Variants in ATF7IP observed in about 807,000 individuals in gnomAD.
The protein encoded by ATF7IP is activating transcription factor 7 interacting protein.
Under a neutral mutation model 106.4 loss-of-function variants are expected in ATF7IP, and 23 were observed. The observed-to-expected ratio is 0.22, with a 90% CI of 0.16 to 0.31. ATF7IP has a LOEUF of 0.31. ATF7IP is among the 10% of genes least tolerant of loss of function. The pLI is 1.00. For synonymous variants in ATF7IP, 542 were observed against 539.0 expected, an observed-to-expected ratio of 1.01 and a Z score of -0.08; for missense variants, 1,334 against 1,524.3, an observed-to-expected ratio of 0.88 and a Z score of 2.08.
chr12:14,434,411 CCTT>C lies in ATF7IP; in HGVS notation c.1636_1638del (p.Ser546del). ...AGTAATACATGAAGATGATGAAAGACCTTCTGAGAAAAGTATGCATGTATAAAC... is the reference window on the plus strand; with the variant it reads ...AGTAATACATGAAGATGATGAAAGACCTGAGAAAAGTATGCATGTATAAAC... On this transcript the variant is annotated inframe_deletion, in exon 3 of 15. Transcript: ENST00000261168. 6.4e-7 allele frequency: 1 copy of C among 1,572,384 alleles called. No homozygotes were observed. The highest frequency in any genetic ancestry group is 8.7e-7 in the Non-Finnish European group (1 of 1,145,938).
At chr12:14,398,387 G>T (rs1255210031) in intron 1 of ATF7IP, among the ~76,000 whole-genome samples, 20 of 144,350 alleles carry the variant, frequency 1.4e-4, no homozygotes, top group Non-Finnish European at 2.9e-4. Context: ...ACATCTAAAA[G>T]TTTTTTTTTT....
intron 10 of ATF7IP, among the ~76,000 whole-genome samples, chr12:14,473,622 CTCT>C (rs2136780267): frequency 6.6e-6 from 1 of 151,994 alleles, no homozygotes; most frequent in Admixed American, 6.6e-5. Context: ...TTTTCTGGTC[CTCT>C]TCTTCCTATG....
chr12:14,476,530 A>G (rs992094177), intron 11 of ATF7IP: 1 of 151,638 alleles, frequency 6.6e-6, no homozygotes, highest in Non-Finnish European at 1.5e-5. Context: ...CTGTTTTTGT[A>G]TCTGTTATTT....
rs142312345 is a variant in ATF7IP at position 14,483,622 on chromosome 12, T to C, written c.3280+2437T>C. ...CCCTAGGGGTGAAGGTGAGTGGTGC[T>C]ACTTCCACTTCCACCCCCTGATTCC... On this transcript the variant is annotated intron_variant, in intron 13 of 14. Coordinates refer to ENST00000261168, the MANE Select transcript of ATF7IP (RefSeq NM_018179.5). 4.9e-4 allele frequency among the ~76,000 whole-genome samples: 75 copies of C among 152,214 alleles called. No homozygotes were observed. In the South Asian group the frequency reaches 0.011, roughly 21 times the overall value.
At chr12:14,461,269 A>AT in intron 9 of ATF7IP, 136 bp downstream of exon 9, 1 of 799,758 alleles carries the variant, frequency 1.3e-6, no homozygotes, top group East Asian at 2.8e-5. Flanking sequence ...ATTTTTAGTA[A>AT]TTTTTTAGAT....
At chr12:14,488,378 C>T (rs114093937) in intron 13 of ATF7IP, among the ~76,000 whole-genome samples, 2 of 152,122 alleles carry the variant, frequency 1.3e-5, no homozygotes, top group South Asian at 2.1e-4. Flanking sequence ...ACTTGGAGGC[C>T]GATGTTTCAG....
chr12:14,424,463 A>T lies in ATF7IP; in HGVS notation c.548A>T (p.Asp183Val). The change falls in exon 2 of 15, where the codon GAT becomes GTT. Residue 183 changes from aspartate (D) to valine (V), a missense_variant. Physicochemically the swap from Asp to Val is radical, Grantham distance 152 (BLOSUM62 -3). This residue lies in a region of ATF7IP where 438 missense variants were observed against 405.3 expected (regional missense o/e 1.08). Coordinates refer to ENST00000261168, the MANE Select transcript of ATF7IP (RefSeq NM_018179.5). ...ACCTCTGGTGATGCCCCTTCTGGTG[A>T]TGTGTCCCCTGGTGATGCCACCTCT... ...DATSGDAPSG[D>V]VSPGDATSGD... is the part of the protein sequence containing the mutation. 6.2e-7 allele frequency: 1 copy of T among 1,611,558 alleles called. No homozygotes were observed. The highest frequency in any genetic ancestry group is 8.5e-7 in the Non-Finnish European group (1 of 1,179,090).
At chr12:14,432,078 C>T (rs563097053) in intron 2 of ATF7IP, among the ~76,000 whole-genome samples, 1 of 152,066 alleles carries the variant, frequency 6.6e-6, no homozygotes, top group Non-Finnish European at 1.5e-5. Flanking sequence ...GAAGAAATCT[C>T]AAGCTGAGCT....
chr12:14,445,287 C>T (rs1055414412), intron 5 of ATF7IP, among the ~76,000 whole-genome samples: 1 of 152,128 alleles, frequency 6.6e-6, no homozygotes, highest in South Asian at 2.1e-4. Context: ...CTGCGCCTGG[C>T]CCACCTATAT....
chr12:14,459,769 A>G (rs1943570332), intron 8 of ATF7IP, among the ~76,000 whole-genome samples: 2 of 152,176 alleles, frequency 1.3e-5, no homozygotes, highest in South Asian at 4.1e-4. Context: ...TGTATTTTAA[A>G]CCTGTTGCAA....
At chr12:14,372,036 A>G (rs1350614576) in intron 1 of ATF7IP, among the ~76,000 whole-genome samples, 1 of 152,192 alleles carries the variant, frequency 6.6e-6, no homozygotes, top group African/African-American at 2.4e-5. Context: ...TTCAGAGACC[A>G]TAGTCCTTGT....
At chr12:14,452,045 GGT>G (rs144274911) in intron 6 of ATF7IP, among the ~76,000 whole-genome samples, 2 of 151,136 alleles carry the variant, frequency 1.3e-5, no homozygotes, top group Non-Finnish European at 1.5e-5. Flanking sequence ...CTGATGTAGG[GGT>G]GTGTGTGTGT....
intron 11 of ATF7IP, chr12:14,476,238 C>T (rs1418444754): frequency 3.8e-6 from 1 of 261,854 alleles, no homozygotes; most frequent in Non-Finnish European, 7.3e-6. Context: ...GCGGTGAAAC[C>T]CCGTCTCTAT....
intron 10 of ATF7IP, among the ~76,000 whole-genome samples, chr12:14,468,525 A>G (rs2136757870): frequency 6.6e-6 from 1 of 150,892 alleles, no homozygotes; most frequent in East Asian, 1.9e-4. Flanking sequence ...TGAAACAGGA[A>G]TTGACTTCAT....
At chr12:14,376,627 G>T (rs183286010) in intron 1 of ATF7IP, among the ~76,000 whole-genome samples, 53 of 152,282 alleles carry the variant, frequency 3.5e-4, no homozygotes, top group African/African-American at 1.3e-3. Flanking sequence ...GCTTTCATCT[G>T]CAGTACCTAT....
intron 1 of ATF7IP, among the ~76,000 whole-genome samples, chr12:14,421,295 C>G (rs1399662606): frequency 1.3e-5 from 2 of 152,056 alleles, no homozygotes; most frequent in Non-Finnish European, 2.9e-5. Flanking sequence ...GATTTTGTCC[C>G]TCTGTTCTGT....
intron 6 of ATF7IP, among the ~76,000 whole-genome samples, chr12:14,449,726 A>AG (rs1488031544): frequency 6.6e-6 from 1 of 151,830 alleles, no homozygotes; most frequent in Non-Finnish European, 1.5e-5. Flanking sequence ...GAAAAAAAAA[A>AG]CAAACCCACT....
chr12:14,382,187 A>G (rs1338890232), intron 1 of ATF7IP, among the ~76,000 whole-genome samples: 2 of 152,198 alleles, frequency 1.3e-5, no homozygotes, highest in Admixed American at 6.5e-5. Flanking sequence ...CCTGTCTACA[A>G]ACAAATAAAC....
At chr12:14,396,271 C>T (rs962793911) in intron 1 of ATF7IP, among the ~76,000 whole-genome samples, 4 of 152,132 alleles carry the variant, frequency 2.6e-5, no homozygotes, top group Middle Eastern at 3.4e-3. Flanking sequence ...CAAAGTGTTA[C>T]TTTTAGGTGG....
Sources: allele counts gnomAD v4.1 joint callset (sites outside exome capture counted in the v4.1 genomes callset), GRCh38; gene constraint gnomAD v4.1.1; regional missense constraint gnomAD v4.1.1; transcripts MANE v1.5; gene names NCBI Gene and HGNC (gene_info 2026-07-23, HGNC 2026-07-21).